Variants in CAMKMT observed in about 807,000 individuals in gnomAD.
CAMKMT encodes the protein calmodulin-lysine N-methyltransferase, also known as CaM KMT.
CAMKMT carries 53 observed loss-of-function variants against 48.0 expected under a neutral mutation model. The ratio of observed to expected loss-of-function variants is 1.10; its 90% CI spans 0.89 to 1.39. The LOEUF is 1.39. Among genes scored for constraint, CAMKMT ranks in the 40% most tolerant of loss-of-function variants. The pLI is 0.00. For missense variants in CAMKMT, 428 were observed against 402.7 expected, an observed-to-expected ratio of 1.06 and a Z score of -0.54; for synonymous variants, 165 against 152.3, an observed-to-expected ratio of 1.08 and a Z score of -0.61.
intron 3 of CAMKMT, among the ~76,000 whole-genome samples, chr2:44,574,040 A>AC (rs1350701674): frequency 6.6e-6 from 1 of 152,192 alleles, no homozygotes; most frequent in Non-Finnish European, 1.5e-5. Flanking sequence ...GAACGTTTGA[A>AC]TCTACATATT....
intron 3 of CAMKMT, among the ~76,000 whole-genome samples, chr2:44,564,200 G>T (rs1008042684): frequency 1.4e-5 from 2 of 147,482 alleles, no homozygotes; most frequent in African/African-American, 2.5e-5. Flanking sequence ...TTTTGAGACG[G>T]AATCTCACTC....
intron 3 of CAMKMT, among the ~76,000 whole-genome samples, chr2:44,577,399 G>C (rs928717997): frequency 1.3e-5 from 2 of 152,226 alleles, no homozygotes; most frequent in Admixed American, 6.5e-5. Flanking sequence ...CAGGAAGATC[G>C]TTTAAGTTTA....
At chr2:44,606,360 A>C (rs1331606372) in intron 3 of CAMKMT, among the ~76,000 whole-genome samples, 4 of 152,224 alleles carry the variant, frequency 2.6e-5, no homozygotes, top group African/African-American at 9.6e-5. Context: ...ATCTTTTTCC[A>C]TTTAAATAAC....
intron 3 of CAMKMT, among the ~76,000 whole-genome samples, chr2:44,592,085 G>A (rs1330883849): frequency 6.6e-6 from 1 of 151,698 alleles, no homozygotes; most frequent in South Asian, 2.1e-4. Context: ...AAGGGGGAGG[G>A]ATAGCATTAG....
chr2:44,609,705 C>T (rs1441771419), intron 3 of CAMKMT, among the ~76,000 whole-genome samples: 1 of 152,122 alleles, frequency 6.6e-6, no homozygotes, highest in African/African-American at 2.4e-5. Context: ...CTCATTCTCT[C>T]CTCTTCATAA....
intron 3 of CAMKMT, chr2:44,393,588 C>CAA (rs1389504110): frequency 1.3e-5 from 2 of 152,150 alleles, no homozygotes; most frequent in Non-Finnish European, 2.9e-5. Context: ...TTTGAGATAT[C>CAA]AAAGCTTCTT....
In CAMKMT at chr2:44,466,558, A is replaced by T. The variant is rs1433979198; in HGVS notation, c.376+76253A>T. 2.0e-5 allele frequency among the ~76,000 whole-genome samples: 3 copies of T among 152,202 alleles called. No individual in the cohort carries two copies. The East Asian group carries it at 5.8e-4, about 29-fold the overall frequency. On this transcript the variant is annotated intron_variant, in intron 3 of 10. Coordinates refer to ENST00000378494, the MANE Select transcript of CAMKMT (RefSeq NM_024766.5). ...GAGGAAAGTTTATAGTGGTAGACAC[A>T]TTAAAAAAGAAGGCTCTCATATCAA...
At chr2:44,649,897 C>G (rs1673962423) in intron 3 of CAMKMT, among the ~76,000 whole-genome samples, 1 of 152,104 alleles carries the variant, frequency 6.6e-6, no homozygotes, top group African/African-American at 2.4e-5. Context: ...CCACTTATGT[C>G]TCATTAGACA....
chr2:44,482,382 G>A (rs539599518), intron 3 of CAMKMT, among the ~76,000 whole-genome samples: 7 of 152,068 alleles, frequency 4.6e-5, no homozygotes, highest in African/African-American at 1.7e-4. Context: ...TTCTTCAGGA[G>A]GTCTATTGGA....
intron 3 of CAMKMT, among the ~76,000 whole-genome samples, chr2:44,693,803 A>G (rs1676789753): frequency 6.6e-6 from 1 of 152,206 alleles, no homozygotes; most frequent in Non-Finnish European, 1.5e-5. Context: ...TTTTAGTAAC[A>G]TCTACCCGTG....
chr2:44,537,387 C>T (rs1052970903), intron 3 of CAMKMT, among the ~76,000 whole-genome samples: 12 of 152,084 alleles, frequency 7.9e-5, no homozygotes, highest in African/African-American at 2.9e-4. Context: ...CAGTAGAAGA[C>T]ATACAAATGG....
chr2:44,497,537 T>G (rs979725590), intron 3 of CAMKMT, among the ~76,000 whole-genome samples: 1 of 152,144 alleles, frequency 6.6e-6, no homozygotes, highest in Non-Finnish European at 1.5e-5. Context: ...TTTGTATAGA[T>G]GTAGTAAAGA....
rs190157378 is a variant in CAMKMT at position 44,364,673 on chromosome 2, G to A, written c.138+2528G>A. 1.4e-3 allele frequency among the ~76,000 whole-genome samples: 214 copies of A among 152,328 alleles called. No individual in the cohort carries two copies. In the Middle Eastern group the frequency reaches 0.017, roughly 12 times the overall value. ...TATTTTATCAGTAAGCTATTGCTAA[G>A]TAAGAACCGCAACATCACAGTGGCA... On this transcript the variant is annotated intron_variant, in intron 1 of 10. Transcript: ENST00000378494.
intron 3 of CAMKMT, among the ~76,000 whole-genome samples, chr2:44,461,415 A>C (rs996665853): frequency 6.6e-6 from 1 of 152,222 alleles, no homozygotes; most frequent in African/African-American, 2.4e-5. Context: ...TAACTTGCTC[A>C]AAGTTATATA....
At chr2:44,490,485 G>A (rs985819265) in intron 3 of CAMKMT, among the ~76,000 whole-genome samples, 2 of 152,142 alleles carry the variant, frequency 1.3e-5, no homozygotes, top group Admixed American at 6.5e-5. Context: ...ATGTTGGTCA[G>A]GCTGGTCTCG....
intron 3 of CAMKMT, among the ~76,000 whole-genome samples, chr2:44,539,030 G>A (rs1055463065): frequency 4.7e-5 from 7 of 149,746 alleles, no homozygotes; most frequent in African/African-American, 1.2e-4. Context: ...TCGGCTAGGC[G>A]CAGTGGCTCA....
rs535717873 is a variant in CAMKMT at position 44,729,630 on chromosome 2, G to T, written c.624-13992G>T. Among the ~76,000 whole-genome samples the T allele has an allele frequency of 1.1e-4, 16 of 152,294 alleles. 1 individual carries two copies. In the East Asian group the frequency reaches 2.9e-3, roughly 28 times the overall value. On this transcript the variant is annotated intron_variant, in intron 7 of 10. Coordinates refer to ENST00000378494, the MANE Select transcript of CAMKMT (RefSeq NM_024766.5). ...GCAATGGGAGTGTCCACTCCCATAA[G>T]AATGTTGGTGGCAAAGGGAGAGAAG...
At chr2:44,737,137 AC>A (rs1009323572) in intron 7 of CAMKMT, among the ~76,000 whole-genome samples, 192 of 152,212 alleles carry the variant, frequency 1.3e-3, no homozygotes, top group African/African-American at 4.4e-3. Context: ...TGTTTTAGAG[AC>A]AGAGTCTCAC....
chr2:44,673,489 G>GGAAT (rs1553435769), intron 3 of CAMKMT, among the ~76,000 whole-genome samples: 1 of 133,434 alleles, frequency 7.5e-6, no homozygotes, highest in Non-Finnish European at 1.6e-5. Flanking sequence ...AAGGAAGGAA[G>GGAAT]GAAGGAAGGA....
Sources: gnomAD v4.1 joint callset for allele counts (sites outside exome capture counted in the v4.1 genomes callset) on GRCh38, gnomAD v4.1.1 for gene constraint, MANE v1.5 for transcripts, NCBI Gene and HGNC (gene_info 2026-07-23, HGNC 2026-07-21) for gene names.